The following XYLT1 variants were observed in gnomAD, a reference collection of about 807,000 sequenced individuals.
XYLT1 encodes beta-D-xylosyltransferase 1.
Under a neutral mutation model 91.3 loss-of-function variants are expected in XYLT1, and 36 were observed. That is an observed-to-expected ratio of 0.39 (90% CI 0.30 to 0.52). The LOEUF (loss-of-function observed/expected upper bound fraction) is 0.52. Among genes scored for constraint, XYLT1 ranks in the 20% least tolerant of loss-of-function variants. XYLT1 has a pLI of 0.68. For synonymous variants in XYLT1, 588 were observed against 532.0 expected (o/e 1.11, Z -1.45); for missense variants, 1,242 against 1,284.5 (o/e 0.97, Z 0.51).
intron 5 of XYLT1, among the ~76,000 whole-genome samples, chr16:17,187,637 C>A (rs1401660292): frequency 7.1e-6 from 1 of 140,092 alleles, no homozygotes; most frequent in African/African-American, 2.6e-5. Context: ...TATCACTTTT[C>A]TTTTCTTTCT....
intron 2 of XYLT1, among the ~76,000 whole-genome samples, chr16:17,351,330 T>G (rs1033422395): frequency 6.6e-6 from 1 of 152,092 alleles, no homozygotes; most frequent in South Asian, 2.1e-4. Flanking sequence ...CTGGCCGACA[T>G]GGTGAAACTC....
intron 1 of XYLT1, among the ~76,000 whole-genome samples, chr16:17,365,012 C>CA (rs1341278542): frequency 1.3e-5 from 2 of 152,168 alleles, no homozygotes; most frequent in African/African-American, 4.8e-5. Context: ...TCCAAACTGA[C>CA]AAAGAATACG....
intron 1 of XYLT1, among the ~76,000 whole-genome samples, chr16:17,464,217 A>T (rs1339668611): frequency 6.6e-6 from 1 of 152,202 alleles, no homozygotes; most frequent in Non-Finnish European, 1.5e-5. Flanking sequence ...ACCCGGGCAC[A>T]GTGGCTCACA....
At chr16:17,417,164 C>T (rs2036189408) in intron 1 of XYLT1, among the ~76,000 whole-genome samples, 1 of 152,198 alleles carries the variant, frequency 6.6e-6, no homozygotes, top group African/African-American at 2.4e-5. Context: ...TCCATTGACT[C>T]ACAGTCATTT....
chr16:17,402,631 G>T (rs986347851), intron 1 of XYLT1, among the ~76,000 whole-genome samples: 2 of 152,078 alleles, frequency 1.3e-5, no homozygotes, highest in African/African-American at 4.8e-5. Context: ...TGTCTCCATG[G>T]CAAACACCTA....
intron 2 of XYLT1, among the ~76,000 whole-genome samples, chr16:17,264,335 C>T (rs1240052358): frequency 6.6e-6 from 1 of 152,176 alleles, no homozygotes. Context: ...TACTATCTGT[C>T]CTTCTGTGAC....
intron 3 of XYLT1, among the ~76,000 whole-genome samples, chr16:17,226,119 T>A (rs934876244): frequency 6.6e-6 from 1 of 152,172 alleles, no homozygotes; most frequent in Admixed American, 6.5e-5. Context: ...TATGGTTAAA[T>A]GATGAAGTCC....
intron 3 of XYLT1, among the ~76,000 whole-genome samples, chr16:17,245,477 T>C (rs928126570): frequency 2.6e-5 from 4 of 152,206 alleles, no homozygotes; most frequent in Non-Finnish European, 5.9e-5. Context: ...AATAAATTAG[T>C]TTACTAATTT....
chr16:17,348,589 C>T (rs558236359), intron 2 of XYLT1, among the ~76,000 whole-genome samples: 2 of 152,232 alleles, frequency 1.3e-5, no homozygotes, highest in South Asian at 2.1e-4. Flanking sequence ...TATGAGGAAA[C>T]GAGGTCACGC....
intron 5 of XYLT1, among the ~76,000 whole-genome samples, chr16:17,181,683 T>C (rs764632609): frequency 6.6e-6 from 1 of 152,156 alleles, no homozygotes; most frequent in African/African-American, 2.4e-5. Context: ...GCTGGAGAGA[T>C]TGCTTGAGAC....
intron 3 of XYLT1, among the ~76,000 whole-genome samples, chr16:17,244,566 T>C (rs2033403650): frequency 6.6e-6 from 1 of 152,208 alleles, no homozygotes; most frequent in African/African-American, 2.4e-5. Context: ...CTGCCAATTC[T>C]ATTCTTCAGA....
At chr16:17,347,654 C>G (rs1055758407) in intron 2 of XYLT1, among the ~76,000 whole-genome samples, 4 of 152,256 alleles carry the variant, frequency 2.6e-5, no homozygotes, top group African/African-American at 9.6e-5. Context: ...CACTGGAAGA[C>G]CCTCTCCTTT....
chr16:17,205,554 A>G lies in XYLT1; in HGVS notation c.914-4900T>C, dbSNP rs78427765. Among the ~76,000 whole-genome samples the G allele has an allele frequency of 1.1e-3, 162 of 152,346 alleles. 1 individual carries two copies. The East Asian group carries it at 0.029, about 27-fold the overall frequency. On this transcript the variant is annotated intron_variant, in intron 3 of 11. Coordinates refer to ENST00000261381, the MANE Select transcript of XYLT1 (RefSeq NM_022166.4). ...ACATGGACATTCACATCCAGAAGAG[A>G]GAGCACAGTGCCTGGCATCTAGCAA... is the stretch of plus-strand genomic sequence containing the variant.
At chr16:17,390,953 G>A (rs935422027) in intron 1 of XYLT1, among the ~76,000 whole-genome samples, 6 of 152,226 alleles carry the variant, frequency 3.9e-5, no homozygotes, top group African/African-American at 9.6e-5. Flanking sequence ...CAGGAGAATC[G>A]CTTGAACCTG....
intron 1 of XYLT1, among the ~76,000 whole-genome samples, chr16:17,419,867 T>C (rs2036229498): frequency 6.6e-6 from 1 of 152,172 alleles, no homozygotes; most frequent in African/African-American, 2.4e-5. Flanking sequence ...GGCAGGAACA[T>C]TCCATGAGAC....
rs982679319 is a variant in XYLT1 at position 17,107,466 on chromosome 16, C to T, written c.*1229G>A. On this transcript the variant is annotated 3_prime_UTR_variant, in exon 12 of 12. Coordinates refer to ENST00000261381, the MANE Select transcript of XYLT1 (RefSeq NM_022166.4). ...GTTTCTGGTAACTCAACACTTAAAT[C>T]ATACTGTTTTTTGTTGTTTAAATAA... is the stretch of plus-strand genomic sequence containing the variant. The T allele has an allele frequency of 6.6e-6, 1 of 152,642 alleles. No individual in the cohort carries two copies. Among genetic ancestry groups the T allele is most frequent in the Non-Finnish European group, 1.5e-5 (1 of 68,040 alleles). The allele number at this position is 152,642 out of a possible 1,614,324, so 9.5% of individuals were successfully genotyped here. A position where few individuals can be genotyped will look rare whatever the true frequency, so the allele number is the denominator to read the frequency against.
At chr16:17,269,094 G>A (rs2033849929) in intron 2 of XYLT1, among the ~76,000 whole-genome samples, 1 of 152,144 alleles carries the variant, frequency 6.6e-6, no homozygotes, top group Non-Finnish European at 1.5e-5. Flanking sequence ...AGCCTCCTCT[G>A]CCCCCTTTTT....
intron 5 of XYLT1, among the ~76,000 whole-genome samples, chr16:17,169,479 A>G (rs1475073117): frequency 6.6e-6 from 1 of 152,212 alleles, no homozygotes; most frequent in Non-Finnish European, 1.5e-5. Flanking sequence ...AAACATACAT[A>G]TGCCTTTCTA....
At chr16:17,189,193 A>G (rs11641318) in intron 5 of XYLT1, among the ~76,000 whole-genome samples, 90,486 of 152,014 alleles carry the variant, frequency 0.6, 29,059 homozygotes, top group African/African-American at 0.83. Context: ...GAGAGAAGGA[A>G]GAAGGGAAAA....
Sources: allele counts gnomAD v4.1 joint callset (sites outside exome capture counted in the v4.1 genomes callset), GRCh38; gene constraint gnomAD v4.1.1; transcripts MANE v1.5; gene names NCBI Gene and HGNC (gene_info 2026-07-23, HGNC 2026-07-21).